NEO1: variants seen among roughly 807,000 people sequenced by gnomAD.
NEO1 encodes neogenin.
A neutral mutation model predicts 159.7 loss-of-function variants in NEO1; 63 were observed. The observed-to-expected ratio is 0.39, with a 90% confidence interval of 0.32 to 0.49. The LOEUF is 0.49. Among genes scored for constraint, NEO1 ranks in the 20% least tolerant of loss-of-function variants. NEO1 has a pLI of 0.85. For missense variants in NEO1, 1,615 were observed against 1,831.0 expected, an observed-to-expected ratio of 0.88 and a Z score of 2.15; for synonymous variants, 633 against 662.0, an observed-to-expected ratio of 0.96 and a Z score of 0.67.
intron 9 of NEO1, among the ~76,000 whole-genome samples, chr15:73,247,203 T>C (rs550482995): frequency 1.3e-5 from 2 of 152,310 alleles, no homozygotes; most frequent in South Asian, 4.1e-4. Flanking sequence ...TTGGATTTCA[T>C]CTGGAGGTGT....
intron 9 of NEO1, among the ~76,000 whole-genome samples, chr15:73,247,168 A>G (rs561379250): frequency 6.6e-6 from 1 of 152,338 alleles, no homozygotes; most frequent in East Asian, 1.9e-4. Flanking sequence ...TTTTGGCAAA[A>G]GAGAAGCAGT....
chr15:73,248,950 T>A (rs2039935666), intron 9 of NEO1, 110 bp from the exon 10 acceptor site: 1 of 997,252 alleles, frequency 1.0e-6, no homozygotes, highest in Non-Finnish European at 1.5e-6. Context: ...ATTGTTTTCT[T>A]AGCTTCTATT....
At chr15:73,169,471 GA>G (rs1025595687) in intron 5 of NEO1, among the ~76,000 whole-genome samples, 4 of 151,966 alleles carry the variant, frequency 2.6e-5, no homozygotes, top group Admixed American at 6.6e-5. Context: ...TAATTGGTGT[GA>G]ATACTATCTA....
chr15:73,259,526 T>C (rs1397461811), intron 14 of NEO1, among the ~76,000 whole-genome samples: 1 of 152,028 alleles, frequency 6.6e-6, no homozygotes, highest in Non-Finnish European at 1.5e-5. Flanking sequence ...CACACTTAGC[T>C]ATTTTTTTTT....
chr15:73,173,754 G>T (rs576205611), intron 5 of NEO1, among the ~76,000 whole-genome samples: 2 of 152,256 alleles, frequency 1.3e-5, no homozygotes, highest in Admixed American at 6.5e-5. Flanking sequence ...TCAGGGCCCA[G>T]TTAGGAGCCA....
At chr15:73,259,731 T>C (rs2040532652) in intron 14 of NEO1, among the ~76,000 whole-genome samples, 1 of 152,204 alleles carries the variant, frequency 6.6e-6, no homozygotes, top group African/African-American at 2.4e-5. Flanking sequence ...GTAAATTTCC[T>C]CCTTTGTAAG....
chr15:73,131,843 C>T (rs1396740420), intron 4 of NEO1, among the ~76,000 whole-genome samples: 1 of 152,236 alleles, frequency 6.6e-6, no homozygotes, highest in Non-Finnish European at 1.5e-5. Flanking sequence ...TTTTCTTACA[C>T]TTTGCCACAC....
chr15:73,090,249 C>T lies in NEO1; in HGVS notation c.131-26291C>T, dbSNP rs1014088479. Among the ~76,000 whole-genome samples the T allele has an allele frequency of 2.2e-4, 33 of 152,030 alleles. 1 individual carries two copies. Among genetic ancestry groups the T allele is most frequent in the African/African-American group, 8.0e-4 (33 of 41,456 alleles). On this transcript the variant is annotated intron_variant, in intron 1 of 28. Transcript: ENST00000261908. ...TTGCTCTGTCGCTCAGGTTGGAGTGCAGTAGCGCAATCTTGGCTCACTGTG... is the reference window on the plus strand; with the variant it reads ...TTGCTCTGTCGCTCAGGTTGGAGTGTAGTAGCGCAATCTTGGCTCACTGTG...
intron 5 of NEO1, among the ~76,000 whole-genome samples, chr15:73,174,270 G>A (rs1406346742): frequency 6.6e-6 from 1 of 152,200 alleles, no homozygotes; most frequent in Non-Finnish European, 1.5e-5. Context: ...GTTGAAGAAA[G>A]TGTAGCTGCT....
chr15:73,091,738 CTTTTTTTT>C (rs11320847), intron 1 of NEO1, among the ~76,000 whole-genome samples: 1 of 127,448 alleles, frequency 7.8e-6, no homozygotes, highest in Non-Finnish European at 1.7e-5. Flanking sequence ...TAATTTTACA[CTTTTTTTT>C]TTTTTTTTTT....
At chr15:73,186,820 A>G (rs2035958315) in intron 7 of NEO1, among the ~76,000 whole-genome samples, 1 of 152,154 alleles carries the variant, frequency 6.6e-6, no homozygotes, top group African/African-American at 2.4e-5. Flanking sequence ...CTAGATAGTA[A>G]ATATTTTAGG....
rs377180483 is a variant in NEO1, at chr15:73,288,470, A to G, written c.3568A>G (p.Ile1190Val). ...AAACCCCATCATGACTGATACTCCA[A>G]TTCCTCGCAACTCTCAAGATATCAC... ...DPNPIMTDTP[I>V]PRNSQDITPV... is the part of the protein sequence containing the mutation. Residue 1190 changes from isoleucine (I) to valine (V), a missense_variant, in exon 24 of 29, where the codon ATT becomes GTT. Around this residue, in one of 3 missense-constraint regions of NEO1, gnomAD observed 471 missense variants for 498.9 expected, o/e 0.94. Transcript: ENST00000261908. 1.2e-6 allele frequency: 2 copies of G among 1,614,172 alleles called. No individual in the cohort carries two copies. The highest frequency in any genetic ancestry group is 1.7e-6 in the Non-Finnish European group (2 of 1,180,024).
chr15:73,056,516 A>G (rs2067703057), intron 1 of NEO1, among the ~76,000 whole-genome samples: 1 of 152,228 alleles, frequency 6.6e-6, no homozygotes, highest in South Asian at 2.1e-4. Context: ...CATGTAGCAT[A>G]GAGAAGATAA....
At chr15:73,295,543 G>A (rs1567721990) in intron 26 of NEO1, among the ~76,000 whole-genome samples, 1 of 151,644 alleles carries the variant, frequency 6.6e-6, no homozygotes, top group Non-Finnish European at 1.5e-5. Flanking sequence ...CCTGCTCTAC[G>A]GACCTAGGCA....
intron 2 of NEO1, 66 bp downstream of exon 2, chr15:73,116,923 A>G (rs2071358421): frequency 7.7e-7 from 1 of 1,291,252 alleles, no homozygotes. Flanking sequence ...TGATAAAAGC[A>G]CTGTTCTCTT....
intron 13 of NEO1, among the ~76,000 whole-genome samples, chr15:73,258,224 T>C (rs1187455237): frequency 1.3e-5 from 2 of 152,220 alleles, no homozygotes; most frequent in Non-Finnish European, 2.9e-5. Flanking sequence ...TACTATATAA[T>C]ATATGAGCAA....
intron 14 of NEO1, among the ~76,000 whole-genome samples, chr15:73,259,679 G>A (rs1195125275): frequency 2.0e-5 from 3 of 152,174 alleles, no homozygotes; most frequent in Non-Finnish European, 4.4e-5. Flanking sequence ...TTAAATTAAG[G>A]TAGTAACTTA....
At chr15:73,054,003 T>TA (rs2067585391) in intron 1 of NEO1, among the ~76,000 whole-genome samples, 2 of 152,232 alleles carry the variant, frequency 1.3e-5, no homozygotes, top group African/African-American at 4.8e-5. Flanking sequence ...GCTTTAAACG[T>TA]AAAGTACCAC....
intron 15 of NEO1, among the ~76,000 whole-genome samples, chr15:73,261,642 A>G (rs912912126): frequency 6.6e-6 from 1 of 152,208 alleles, no homozygotes; most frequent in African/African-American, 2.4e-5. Flanking sequence ...TGCACTGAAA[A>G]TAGAAAATTG....
Sources: gnomAD v4.1 joint callset for allele counts (sites outside exome capture counted in the v4.1 genomes callset) on GRCh38, gnomAD v4.1.1 for gene constraint, gnomAD v4.1.1 regional missense constraint, MANE v1.5 for transcripts, NCBI Gene and HGNC (gene_info 2026-07-23, HGNC 2026-07-21) for gene names.